The following ZC3H3 variants were observed in gnomAD, a reference collection of about 807,000 sequenced individuals.
ZC3H3 encodes zinc finger CCCH-type containing 3, also known as zinc finger CCCH domain-containing protein 3.
Under a neutral mutation model 77.3 loss-of-function variants are expected in ZC3H3, and 36 were observed. The observed-to-expected ratio is 0.47, with a 90% CI of 0.36 to 0.61. The LOEUF is 0.61. Among genes scored for constraint, ZC3H3 ranks in the 20% least tolerant of loss-of-function variants. The pLI is 0.00. For missense variants in ZC3H3, 1,331 were observed against 1,312.2 expected, an observed-to-expected ratio of 1.01 and a Z score of -0.22; for synonymous variants, 626 against 555.2, an observed-to-expected ratio of 1.13 and a Z score of -1.79.
chr8:143,525,024 G>T, intron 3 of ZC3H3, among the ~76,000 whole-genome samples: 1 of 41,654 alleles, frequency 2.4e-5, no homozygotes, highest in Non-Finnish European at 5.4e-5. Context: ...TCTGCAAGCT[G>T]CTAAACTTAC....
chr8:143,455,679 AT>A (rs1331088743), intron 9 of ZC3H3, among the ~76,000 whole-genome samples: 1 of 152,190 alleles, frequency 6.6e-6, no homozygotes, highest in Non-Finnish European at 1.5e-5. Context: ...TTTAGTTAAG[AT>A]TTAAAAAGGC....
intron 9 of ZC3H3, among the ~76,000 whole-genome samples, chr8:143,444,369 A>G (rs770972414): frequency 2.6e-5 from 4 of 152,214 alleles, no homozygotes; most frequent in Admixed American, 1.3e-4. Context: ...TACTCAGCTT[A>G]TGGGGCCAGA....
intron 3 of ZC3H3, among the ~76,000 whole-genome samples, chr8:143,528,800 G>A (rs561718883): frequency 1.3e-5 from 2 of 152,184 alleles, no homozygotes; most frequent in East Asian, 1.9e-4. Flanking sequence ...CTGAGGGAGC[G>A]AGGCCCTCCC....
intron 4 of ZC3H3, among the ~76,000 whole-genome samples, chr8:143,479,799 G>A (rs201067081): frequency 5.3e-5 from 8 of 151,976 alleles, no homozygotes; most frequent in Non-Finnish European, 1.0e-4. Context: ...TCTCCTCCCT[G>A]GGGGGGGACA....
intron 3 of ZC3H3, among the ~76,000 whole-genome samples, chr8:143,519,235 G>C (rs759574910): frequency 6.6e-6 from 1 of 152,178 alleles, no homozygotes; most frequent in Non-Finnish European, 1.5e-5. Context: ...GGGGAGGCAG[G>C]CTGCAGACAG....
rs542232227 is a variant in ZC3H3 at position 143,475,161 on chromosome 8, C to T, written c.1903+237G>A. On this transcript the variant is annotated intron_variant, in intron 5 of 11. Transcript: ENST00000262577. The stretch of plus-strand genomic sequence containing the variant: ...TCACTAGGGATGGCTACGAAGGCGC[C>T]GGGTGTATGGAAGAGTGAAATTAAC... 9.8e-5 allele frequency among the ~76,000 whole-genome samples: 15 copies of T among 152,320 alleles called. No homozygotes were observed. In the East Asian group the frequency reaches 1.2e-3, roughly 12 times the overall value.
At position 143,440,461 on chromosome 8, in the gene ZC3H3, C is replaced by CCCTCCGTGGT. The variant is rs1819710988; in HGVS notation, c.2493-108_2493-99dup. The CCCTCCGTGGT allele has an allele frequency of 1.7e-5, 25 of 1,449,594 alleles. No homozygotes were observed. The South Asian group carries it at 3.5e-4, about 21-fold the overall frequency. 89.8% of individuals were successfully genotyped at this position (1,449,594 alleles called of 1,614,324 possible). A position where few individuals can be genotyped will look rare whatever the true frequency, so the allele number is the denominator to read the frequency against. On this transcript the variant is annotated intron_variant, in intron 10 of 11. Transcript: ENST00000262577. ...TCTTGGCTGCTTCCTGCTCCCGTGG[C>CCCTCCGTGGT]CCTCCGTGGTCTCAGGGCAGAGCTG...
intron 4 of ZC3H3, among the ~76,000 whole-genome samples, chr8:143,490,331 C>T (rs1445986819): frequency 2.0e-5 from 3 of 152,334 alleles, no homozygotes; most frequent in East Asian, 3.9e-4. Context: ...AGGACTCCCA[C>T]CCCCAACAGG....
At chr8:143,448,662 T>A (rs1298417413) in intron 9 of ZC3H3, among the ~76,000 whole-genome samples, 2 of 152,182 alleles carry the variant, frequency 1.3e-5, no homozygotes, top group African/African-American at 4.8e-5. Context: ...GCCTGCAGCT[T>A]TTCCAGGTGC....
At chr8:143,529,390 G>C (rs1280086650) in intron 3 of ZC3H3, among the ~76,000 whole-genome samples, 1 of 152,212 alleles carries the variant, frequency 6.6e-6, no homozygotes, top group Non-Finnish European at 1.5e-5. Flanking sequence ...CCAGGCCTCT[G>C]ATGCCAGGGC....
Position 143,541,395 on chromosome 8 carries a change from C to G in ZC3H3, c.27G>C (p.Arg9=). Residue 9 remains arginine (R), a synonymous_variant, in exon 1 of 12, where the codon CGG becomes CGC. Coordinates refer to ENST00000262577, the MANE Select transcript of ZC3H3 (RefSeq NM_015117.3). The part of the protein sequence containing the change: MEEKEILR[R]QIRLLQGLID... Reference sequence around the variant, plus strand: ...ACCTACCCTGCAGTAGGCGGATCTGCCGCCGTAATATCTCCTTTTCCTCCA... The same window carrying G: ...ACCTACCCTGCAGTAGGCGGATCTGGCGCCGTAATATCTCCTTTTCCTCCA... 1.9e-6 allele frequency: 3 copies of G among 1,611,962 alleles called. No homozygotes were observed. Among genetic ancestry groups the G allele is most frequent in the Non-Finnish European group, 2.5e-6 (3 of 1,179,494 alleles).
Position 143,437,778 on chromosome 8 carries a change from C to T in ZC3H3, c.*278G>A, listed in dbSNP as rs918172791. 1 of 510,132 alleles carries T rather than the reference C, an allele frequency of 2.0e-6. No homozygotes were observed. Among genetic ancestry groups the T allele is most frequent in the Non-Finnish European group, 3.6e-6 (1 of 280,550 alleles). The allele number at this position is 510,132 out of a possible 1,614,324, so 31.6% of individuals were successfully genotyped here. A position where few individuals can be genotyped will look rare whatever the true frequency, so the allele number is the denominator to read the frequency against. ...GCTGGGGGCTGCAGGGCCACTGTTG[C>T]CAATGGCAGTCGGGGACAGGCCTGG... On this transcript the variant is annotated 3_prime_UTR_variant, in exon 12 of 12. Coordinates refer to ENST00000262577, the MANE Select transcript of ZC3H3 (RefSeq NM_015117.3).
At position 143,457,808 on chromosome 8, in the gene ZC3H3, A is replaced by G. The variant is rs181505570; in HGVS notation, c.2307+7909T>C. On this transcript the variant is annotated intron_variant, in intron 9 of 11. Coordinates refer to ENST00000262577, the MANE Select transcript of ZC3H3 (RefSeq NM_015117.3). Reference sequence around the variant, plus strand: ...CTTGAGCCCAGGAGGTTGAGGCTGTAGTGAGCTATGATTGCACCACTGCAC... The same window carrying G: ...CTTGAGCCCAGGAGGTTGAGGCTGTGGTGAGCTATGATTGCACCACTGCAC... Among the ~76,000 whole-genome samples, 766 of 152,266 alleles carry G rather than the reference A, an allele frequency of 5.0e-3. 8 individuals are homozygous for G. Among genetic ancestry groups the G allele is most frequent in the African/African-American group, 0.015 (641 of 41,546 alleles).
chr8:143,536,841 G>A (rs1442987190), intron 2 of ZC3H3, among the ~76,000 whole-genome samples: 1 of 152,188 alleles, frequency 6.6e-6, no homozygotes, highest in African/African-American at 2.4e-5. Flanking sequence ...CCGGCCCCAA[G>A]TGGCCTGCCA....
At chr8:143,508,222 T>C (rs954041686) in intron 3 of ZC3H3, among the ~76,000 whole-genome samples, 22 of 152,206 alleles carry the variant, frequency 1.4e-4, no homozygotes, top group African/African-American at 5.3e-4. Flanking sequence ...CGGGGATGCC[T>C]TGGAGTCCCC....
chr8:143,495,030 C>T (rs531800421), intron 4 of ZC3H3, among the ~76,000 whole-genome samples: 1 of 152,314 alleles, frequency 6.6e-6, no homozygotes, highest in African/African-American at 2.4e-5. Flanking sequence ...CGCTGGAAAG[C>T]AGTTTGGTGA....
intron 4 of ZC3H3, among the ~76,000 whole-genome samples, chr8:143,481,414 C>T (rs1820903737): frequency 6.6e-6 from 1 of 152,140 alleles, no homozygotes; most frequent in Non-Finnish European, 1.5e-5. Context: ...CCTGAGAACT[C>T]CGTGAGGTTG....
At chr8:143,503,554 C>T (rs1364832305) in intron 4 of ZC3H3, among the ~76,000 whole-genome samples, 1 of 148,702 alleles carries the variant, frequency 6.7e-6, no homozygotes, top group Non-Finnish European at 1.5e-5. Flanking sequence ...ACCCAGCCAT[C>T]TCCCCAACAC....
intron 4 of ZC3H3, among the ~76,000 whole-genome samples, chr8:143,479,281 T>G (rs1170171203): frequency 6.6e-6 from 1 of 152,140 alleles, no homozygotes; most frequent in Non-Finnish European, 1.5e-5. Flanking sequence ...CCTTGTAGCT[T>G]TTCACGGCCG....
Sources: allele counts gnomAD v4.1 joint callset (sites outside exome capture counted in the v4.1 genomes callset), GRCh38; gene constraint gnomAD v4.1.1; transcripts MANE v1.5; gene names NCBI Gene and HGNC (gene_info 2026-07-23, HGNC 2026-07-21).